PAWR: variants seen among roughly 807,000 people sequenced by gnomAD.
PAWR encodes PRKC apoptosis WT1 regulator protein.
A neutral mutation model predicts 32.0 loss-of-function variants in PAWR; 23 were observed. The observed-to-expected ratio is 0.72, with a 90% CI of 0.52 to 1.02. PAWR has a LOEUF of 1.02. Ranked by LOEUF, PAWR falls within the 50% of genes least tolerant of loss-of-function variation. The pLI is 0.00. For synonymous variants in PAWR, 226 were observed against 187.1 expected (o/e 1.21, Z -1.70); for missense variants, 457 against 437.7 (o/e 1.04, Z -0.39).
intron 2 of PAWR, among the ~76,000 whole-genome samples, chr12:79,655,303 C>T (rs953463741): frequency 2.0e-5 from 3 of 152,102 alleles, no homozygotes; most frequent in Non-Finnish European, 1.5e-5. Flanking sequence ...AGCTCCAGGC[C>T]GCCACTCTCC....
chr12:79,647,610 T>C (rs1876637638), intron 2 of PAWR, among the ~76,000 whole-genome samples: 1 of 152,190 alleles, frequency 6.6e-6, no homozygotes, highest in South Asian at 2.1e-4. Flanking sequence ...ACCATTTTGT[T>C]TGAACTTCTA....
chr12:79,683,536 TC>T (rs1463151855), intron 2 of PAWR, among the ~76,000 whole-genome samples: 1 of 151,304 alleles, frequency 6.6e-6, no homozygotes, highest in South Asian at 2.1e-4. Flanking sequence ...GTAGAGATGG[TC>T]CCCCCAGAAA....
chr12:79,647,764 G>A lies in PAWR; in HGVS notation c.517-26557C>T, dbSNP rs190429073. Among the ~76,000 whole-genome samples, 324 of 152,296 alleles carry A rather than the reference G, an allele frequency of 2.1e-3. 2 individuals are homozygous for A. The highest frequency in any genetic ancestry group is 7.6e-3 in the African/African-American group (316 of 41,564). On this transcript the variant is annotated intron_variant, in intron 2 of 6. Transcript: ENST00000328827. ...AAGGGAAAGTTGAACATGAAAAAAAGTATAATATAAAGGCAAAAATCCCTT... is the reference window on the plus strand; with the variant it reads ...AAGGGAAAGTTGAACATGAAAAAAAATATAATATAAAGGCAAAAATCCCTT...
chr12:79,621,140 T>G lies in PAWR; in HGVS notation c.584A>C (p.Gln195Pro), dbSNP rs1392920246. 2.5e-6 allele frequency: 4 copies of G among 1,609,396 alleles called. No homozygotes were observed. Among genetic ancestry groups the G allele is most frequent in the Non-Finnish European group, 3.4e-6 (4 of 1,176,664 alleles). Residue 195 changes from glutamine (Q) to proline (P), a missense_variant, in exon 3 of 7, where the codon CAA (glutamine) becomes CCA (proline). Physicochemically the swap from Gln to Pro is moderately conservative, Grantham distance 76. Transcript: ENST00000328827. ...AGCTTCATTCTGAATAGTGTTCTGTTGTGTAATTGCATCTTCTCGTTTCCG... is the reference window on the plus strand; with the variant it reads ...AGCTTCATTCTGAATAGTGTTCTGTGGTGTAATTGCATCTTCTCGTTTCCG... ...KERKREDAIT[Q>P]QNTIQNEAVN...
chr12:79,618,565 T>C (rs968347499), intron 3 of PAWR, among the ~76,000 whole-genome samples: 6 of 152,216 alleles, frequency 3.9e-5, no homozygotes, highest in Admixed American at 6.5e-5. Flanking sequence ...TTTGCACCCA[T>C]TGGCCAATGT....
rs1309713967 is a variant in PAWR at position 79,592,505 on chromosome 12, G to A, written c.*102C>T. 1.7e-6 allele frequency: 1 copy of A among 579,760 alleles called. No homozygotes were observed. The highest frequency in any genetic ancestry group is 3.0e-6 in the Non-Finnish European group (1 of 329,342). The allele number at this position is 579,760 out of a possible 1,614,324, so 35.9% of individuals were successfully genotyped here. On this transcript the variant is annotated 3_prime_UTR_variant, in exon 7 of 7. Coordinates refer to ENST00000328827, the MANE Select transcript of PAWR (RefSeq NM_002583.4). Reference sequence around the variant, plus strand: ...TGCTAGAAATAAATATACTTGCTTAGTTATTTTAATGTATTGCAGCATAGG... The same window carrying A: ...TGCTAGAAATAAATATACTTGCTTAATTATTTTAATGTATTGCAGCATAGG...
intron 2 of PAWR, among the ~76,000 whole-genome samples, chr12:79,633,587 A>G (rs1241922996): frequency 6.6e-6 from 1 of 152,152 alleles, no homozygotes; most frequent in Non-Finnish European, 1.5e-5. Flanking sequence ...TCTCTGTCAT[A>G]TAAAAACAAG....
At chr12:79,662,792 G>T (rs1449808198) in intron 2 of PAWR, among the ~76,000 whole-genome samples, 1 of 152,154 alleles carries the variant, frequency 6.6e-6, no homozygotes, top group Non-Finnish European at 1.5e-5. Flanking sequence ...GGGTTACTAA[G>T]CACTCTTAGC....
chr12:79,596,457 A>C (rs1565996027), intron 5 of PAWR, 54 bp downstream of exon 5: 1 of 886,624 alleles, frequency 1.1e-6, no homozygotes, highest in South Asian at 1.9e-5. Context: ...ATGAAACAAA[A>C]GAATTCTAAT....
At chr12:79,620,284 T>C (rs1222642228) in intron 3 of PAWR, among the ~76,000 whole-genome samples, 4 of 152,208 alleles carry the variant, frequency 2.6e-5, no homozygotes, top group Non-Finnish European at 2.9e-5. Context: ...AAACTCATCC[T>C]TCCCCTTCCT....
Position 79,586,080 on chromosome 12 carries a change from G to A in PAWR, c.*6527C>T, listed in dbSNP as rs1379660570. 6.6e-6 allele frequency: 1 copy of A among 152,108 alleles called. No homozygotes were observed. The highest frequency in any genetic ancestry group is 1.9e-4 in the East Asian group (1 of 5,200). The allele number at this position is 152,108 out of a possible 1,614,324, so 9.4% of individuals were successfully genotyped here. A position where few individuals can be genotyped will look rare whatever the true frequency, so the allele number is the denominator to read the frequency against. On this transcript the variant is annotated 3_prime_UTR_variant, in exon 7 of 7. Coordinates refer to ENST00000328827, the MANE Select transcript of PAWR (RefSeq NM_002583.4). ...TTCATTGATTTAAATAAGTTAATATGAACAGACTGACATAATTTTACTTTA... is the reference window on the plus strand; with the variant it reads ...TTCATTGATTTAAATAAGTTAATATAAACAGACTGACATAATTTTACTTTA...
At chr12:79,644,841 C>T (rs986749436) in intron 2 of PAWR, among the ~76,000 whole-genome samples, 3 of 152,080 alleles carry the variant, frequency 2.0e-5, no homozygotes, top group Admixed American at 6.6e-5. Flanking sequence ...GTGCAGTGAA[C>T]TCAGACACCT....
At chr12:79,614,512 C>T (rs1874632988) in intron 3 of PAWR, among the ~76,000 whole-genome samples, 1 of 152,028 alleles carries the variant, frequency 6.6e-6, no homozygotes, top group Non-Finnish European at 1.5e-5. Context: ...TAACATTAAC[C>T]ATTGGGGTAG....
chr12:79,666,127 T>G (rs1877590372), intron 2 of PAWR, among the ~76,000 whole-genome samples: 1 of 152,196 alleles, frequency 6.6e-6, no homozygotes, highest in Admixed American at 6.5e-5. Context: ...AGAAGCCAAC[T>G]GTATTAGTGG....
chr12:79,600,876 G>A (rs1448983935), intron 4 of PAWR, among the ~76,000 whole-genome samples: 2 of 152,048 alleles, frequency 1.3e-5, no homozygotes, highest in African/African-American at 2.4e-5. Context: ...ACTTGCCACG[G>A]CACTTGAACT....
At chr12:79,600,676 G>A (rs1200405494) in intron 4 of PAWR, among the ~76,000 whole-genome samples, 7 of 123,660 alleles carry the variant, frequency 5.7e-5, no homozygotes, top group Admixed American at 9.1e-5. Context: ...TTTTTGTAGA[G>A]ACGTGTCTTA....
At chr12:79,641,189 A>G (rs765528628) in intron 2 of PAWR, among the ~76,000 whole-genome samples, 19 of 152,232 alleles carry the variant, frequency 1.2e-4, no homozygotes, top group Admixed American at 2.0e-4. Context: ...AAAAAACACT[A>G]TTCATTAACT....
chr12:79,677,519 C>T (rs925622616), intron 2 of PAWR, among the ~76,000 whole-genome samples: 1 of 151,940 alleles, frequency 6.6e-6, no homozygotes, highest in African/African-American at 2.4e-5. Context: ...TAAGAATGTA[C>T]ATAGAATATA....
chr12:79,675,113 CA>C (rs1415919913), intron 2 of PAWR, among the ~76,000 whole-genome samples: 3 of 152,184 alleles, frequency 2.0e-5, no homozygotes, highest in African/African-American at 7.2e-5. Context: ...CACGGTGGCT[CA>C]TGCCTGTAAT....
Sources: gnomAD v4.1 joint callset for allele counts (sites outside exome capture counted in the v4.1 genomes callset) on GRCh38, gnomAD v4.1.1 for gene constraint, MANE v1.5 for transcripts, NCBI Gene and HGNC (gene_info 2026-07-23, HGNC 2026-07-21) for gene names.